Variants in PRKN observed in about 807,000 individuals in gnomAD.
PRKN encodes the protein parkin RBR E3 ubiquitin protein ligase, also known as E3 ubiquitin-protein ligase parkin.
Under a neutral mutation model 59.5 loss-of-function variants are expected in PRKN, and 56 were observed. The ratio of observed to expected loss-of-function variants is 0.94; its 90% CI spans 0.76 to 1.18. PRKN has a LOEUF of 1.18. Ranked by LOEUF, PRKN falls within the 50% of genes most tolerant of loss-of-function variation. PRKN has a pLI of 0.00. For missense variants in PRKN, 657 were observed against 596.4 expected, an observed-to-expected ratio of 1.10 and a Z score of -1.06; for synonymous variants, 250 against 222.1, an observed-to-expected ratio of 1.13 and a Z score of -1.12.
intron 5 of PRKN, among the ~76,000 whole-genome samples, chr6:162,006,432 T>C (rs943476363): frequency 2.0e-5 from 3 of 152,162 alleles, no homozygotes; most frequent in Non-Finnish European, 2.9e-5. Context: ...AGATTCCACA[T>C]TCAACACTGT....
chr6:162,185,748 C>T (rs923761323), intron 4 of PRKN, among the ~76,000 whole-genome samples: 3 of 152,116 alleles, frequency 2.0e-5, no homozygotes, highest in Admixed American at 1.3e-4. Context: ...TCAGCGGCAT[C>T]CATGGCCTCA....
At position 161,525,771 on chromosome 6, in the gene PRKN, T is replaced by G. The variant is rs896294260; in HGVS notation, c.1083+23083A>C. Reference sequence around the variant, plus strand: ...GCTTCTATGTTAATCTGGAAATAGGTGTTCTAATTATAGATGCTAAAAATG... The same window carrying G: ...GCTTCTATGTTAATCTGGAAATAGGGGTTCTAATTATAGATGCTAAAAATG... On this transcript the variant is annotated intron_variant, in intron 9 of 11. Transcript: ENST00000366898. This position sits in a 1 kb window ranked among gnomAD's most constrained non-coding sequence, Gnocchi z 4.7. Among the ~76,000 whole-genome samples, 1 of 152,172 alleles carries G rather than the reference T, an allele frequency of 6.6e-6. No individual in the cohort carries two copies. The highest frequency in any genetic ancestry group is 2.4e-5 in the African/African-American group (1 of 41,434).
At chr6:162,048,807 G>A (rs1457584935) in intron 5 of PRKN, among the ~76,000 whole-genome samples, 1 of 151,722 alleles carries the variant, frequency 6.6e-6, no homozygotes, top group African/African-American at 2.4e-5. Flanking sequence ...ATACGGTGCC[G>A]TGGGTTGAAC....
intron 6 of PRKN, among the ~76,000 whole-genome samples, chr6:161,964,331 G>A (rs1013218617): frequency 2.0e-5 from 3 of 151,970 alleles, no homozygotes; most frequent in African/African-American, 7.3e-5. Context: ...AAGGGAGCAT[G>A]GTGATCACCT....
At chr6:161,404,752 G>C (rs1246831085) in intron 9 of PRKN, among the ~76,000 whole-genome samples, 1 of 152,192 alleles carries the variant, frequency 6.6e-6, no homozygotes, top group Admixed American at 6.5e-5. Context: ...TTTTCCATGG[G>C]AAGGCTCTGT....
Position 162,132,297 on chromosome 6 carries a change from T to C in PRKN, c.534+68834A>G, listed in dbSNP as rs117872201. Among the ~76,000 whole-genome samples, 259 of 152,146 alleles carry C rather than the reference T, an allele frequency of 1.7e-3. 2 individuals carry two copies. Among genetic ancestry groups the C allele is most frequent in the East Asian group, 0.014 (70 of 5,168 alleles). On this transcript the variant is annotated intron_variant, in intron 4 of 11. Transcript: ENST00000366898. ...TCTATTTAAGAAACCCTCATTGTTT[T>C]TACAGTGCCTGACATATGCTACCTG...
At chr6:161,644,968 T>C (rs533514073) in intron 7 of PRKN, among the ~76,000 whole-genome samples, 1 of 152,210 alleles carries the variant, frequency 6.6e-6, no homozygotes, top group African/African-American at 2.4e-5. Context: ...CTAGAATCTG[T>C]CCTTGCCAAC....
intron 6 of PRKN, among the ~76,000 whole-genome samples, chr6:161,797,038 A>G (rs1271911283): frequency 6.6e-6 from 1 of 152,224 alleles, no homozygotes; most frequent in Non-Finnish European, 1.5e-5. Context: ...GACAGGAAGA[A>G]TTAATGTGCT....
Position 162,503,136 on chromosome 6 carries a change from C to CTTTTTTTTTTTTT in PRKN, c.8-59676_8-59664dup, listed in dbSNP as rs10629175. 1.9e-3 allele frequency among the ~76,000 whole-genome samples: 153 copies of CTTTTTTTTTTTTT among 81,090 alleles called. 2 individuals carry two copies. The highest frequency in any genetic ancestry group is 7.3e-3 in the African/African-American group (146 of 19,908). 53.2% of individuals were successfully genotyped at this position (81,090 alleles called of 152,430 possible). On this transcript the variant is annotated intron_variant, in intron 1 of 11. Coordinates refer to ENST00000366898, the MANE Select transcript of PRKN (RefSeq NM_004562.3). ...ACCCTACAGAAAATAGTCTTCATTT[C>CTTTTTTTTTTTTT]TTTTTTTTTTTTTTTTTTTTTTTGT...
rs1042064949 is a variant in PRKN at position 161,414,803 on chromosome 6, G to T, written c.1084-27926C>A. Among the ~76,000 whole-genome samples, 6 of 152,158 alleles carry T rather than the reference G, an allele frequency of 3.9e-5. No individual in the cohort carries two copies. Among genetic ancestry groups the T allele is most frequent in the Non-Finnish European group, 8.8e-5 (6 of 68,032 alleles). On this transcript the variant is annotated intron_variant, in intron 9 of 11. Transcript: ENST00000366898. This position sits in a 1 kb window ranked among gnomAD's most constrained non-coding sequence, Gnocchi z 5.3. ...GCAGGGCAGCCGCTGAACAGCACCG[G>T]GAGGGTCTGTAGTTGCCAGACTCTA...
intron 3 of PRKN, among the ~76,000 whole-genome samples, chr6:162,257,973 C>G (rs568222738): frequency 7.2e-5 from 11 of 152,244 alleles, no homozygotes; most frequent in Non-Finnish European, 1.3e-4. Flanking sequence ...TCCTCTTCTC[C>G]GAGCTCCACC....
intron 5 of PRKN, among the ~76,000 whole-genome samples, chr6:162,004,790 A>T (rs1782186259): frequency 6.6e-6 from 1 of 152,222 alleles, no homozygotes; most frequent in Non-Finnish European, 1.5e-5. Context: ...GCTGTTGATC[A>T]GGTTCACTTC....
chr6:161,419,733 A>G lies in PRKN; in HGVS notation c.1084-32856T>C, dbSNP rs1788003286. 6.6e-6 allele frequency among the ~76,000 whole-genome samples: 1 copy of G among 151,734 alleles called. No individual in the cohort carries two copies. The highest frequency in any genetic ancestry group is 1.5e-5 in the Non-Finnish European group (1 of 67,972). ...AAATAATTAGATTCTGCTTGTGTTG[A>G]ATAATTCTAGCCAGGCCGGAGTTCA... On this transcript the variant is annotated intron_variant, in intron 9 of 11. Coordinates refer to ENST00000366898, the MANE Select transcript of PRKN (RefSeq NM_004562.3). The surrounding 1 kb of genome is among the most constrained non-coding windows in gnomAD (Gnocchi z 4.1).
At chr6:161,903,076 T>C (rs1777996735) in intron 6 of PRKN, among the ~76,000 whole-genome samples, 2 of 152,164 alleles carry the variant, frequency 1.3e-5, no homozygotes, top group South Asian at 4.1e-4. Context: ...TTCATCGCTA[T>C]TGTCTTTAAA....
chr6:161,842,248 C>T (rs748331750), intron 6 of PRKN, among the ~76,000 whole-genome samples: 2 of 152,034 alleles, frequency 1.3e-5, no homozygotes, highest in Non-Finnish European at 2.9e-5. Context: ...CCTGTAATCC[C>T]AGCACTTTGG....
At chr6:162,005,970 C>T (rs1031715313) in intron 5 of PRKN, among the ~76,000 whole-genome samples, 3 of 152,026 alleles carry the variant, frequency 2.0e-5, no homozygotes, top group Non-Finnish European at 2.9e-5. Context: ...TATCTACTCA[C>T]ATTTTATGAT....
intron 2 of PRKN, among the ~76,000 whole-genome samples, chr6:162,367,435 G>A (rs1785502808): frequency 6.6e-6 from 1 of 152,054 alleles, no homozygotes; most frequent in African/African-American, 2.4e-5. Context: ...ATGTGTATGT[G>A]TATTGTAATT....
intron 6 of PRKN, among the ~76,000 whole-genome samples, chr6:161,943,117 A>T (rs535893676): frequency 6.6e-6 from 1 of 152,254 alleles, no homozygotes; most frequent in Non-Finnish European, 1.5e-5. Flanking sequence ...TAGTTTTAAG[A>T]TATTTTAGGC....
chr6:161,486,302 AC>A (rs2115257749), intron 9 of PRKN, among the ~76,000 whole-genome samples: 1 of 152,278 alleles, frequency 6.6e-6, no homozygotes, highest in South Asian at 2.1e-4. Context: ...TTAAACAGAA[AC>A]TTTAGCTCAA....
Sources: allele counts gnomAD v4.1 joint callset (sites outside exome capture counted in the v4.1 genomes callset), GRCh38; gene constraint gnomAD v4.1.1; non-coding constraint Gnocchi (gnomAD v3.1); transcripts MANE v1.5; gene names NCBI Gene and HGNC (gene_info 2026-07-23, HGNC 2026-07-21).